Variants in MYO9B observed in about 807,000 individuals in gnomAD.
MYO9B encodes the protein myosin IXB.
MYO9B carries 71 observed loss-of-function variants against 229.5 expected under a neutral mutation model. The observed-to-expected ratio is 0.31, with a 90% CI of 0.26 to 0.38. MYO9B has a LOEUF of 0.38. Among genes scored for constraint, MYO9B ranks in the 10% least tolerant of loss-of-function variants. The pLI is 1.00. For missense variants in MYO9B, 2,255 were observed against 2,920.5 expected (o/e 0.77, Z 5.25); for synonymous variants, 1,185 against 1,235.8 (o/e 0.96, Z 0.86).
intron 1 of MYO9B, among the ~76,000 whole-genome samples, chr19:17,089,173 CT>C (rs1279016514): frequency 2.0e-5 from 3 of 152,032 alleles, no homozygotes; most frequent in African/African-American, 7.2e-5. Flanking sequence ...CTAAGTCGTC[CT>C]CCCACTCTGA....
chr19:17,205,199 G>A (rs932857754), intron 30 of MYO9B, 64 bp from the exon 31 acceptor site: 2 of 1,383,764 alleles, frequency 1.4e-6, no homozygotes, highest in Admixed American at 1.9e-5. Flanking sequence ...CCAGCTGGGT[G>A]GGTGGCTGCA....
At chr19:17,093,702 GGGT>G (rs1600029923) in intron 1 of MYO9B, among the ~76,000 whole-genome samples, 411 of 132,104 alleles carry the variant, frequency 3.1e-3, no homozygotes, top group Non-Finnish European at 4.5e-3. Context: ...GTGGGGGGGG[GGGT>G]GGTTTGAGAT....
At chr19:17,144,099 G>A (rs1184459460) in intron 2 of MYO9B, among the ~76,000 whole-genome samples, 1 of 148,988 alleles carries the variant, frequency 6.7e-6, no homozygotes, top group Non-Finnish European at 1.5e-5. Context: ...GCCTGTGGTC[G>A]CAGCTACTTG....
intron 11 of MYO9B, among the ~76,000 whole-genome samples, chr19:17,169,932 C>T (rs1243591337): frequency 6.6e-6 from 1 of 151,220 alleles, no homozygotes; most frequent in Non-Finnish European, 1.5e-5. Flanking sequence ...ACCCCCACCT[C>T]CCAGGATCAA....
Position 17,102,470 on chromosome 19 carries a change from C to T in MYO9B, c.753C>T (p.Phe251=). Reference sequence around the variant, plus strand: ...CCGGCAAGACCCAGAGCACCAACTTCCTCATCCACTGCCTCACCGCCCTCA... The same window carrying T: ...CCGGCAAGACCCAGAGCACCAACTTTCTCATCCACTGCCTCACCGCCCTCA... ...SGSGKTQSTN[F]LIHCLTALSQ... Residue 251 remains phenylalanine, a synonymous_variant, in exon 2 of 40, where the codon TTC becomes TTT. Transcript: ENST00000682292. The T allele has an allele frequency of 6.2e-7, 1 of 1,613,928 alleles. No homozygotes were observed. Among genetic ancestry groups the T allele is most frequent in the Non-Finnish European group, 8.5e-7 (1 of 1,179,872 alleles).
Position 17,212,023 on chromosome 19 carries a change from C to G in MYO9B, c.6187C>G (p.Pro2063Ala). The G allele has an allele frequency of 6.2e-7, 1 of 1,609,548 alleles. No individual in the cohort carries two copies. ...TVRVKTPRRT[P>A]IMPTANIKLP... ...CAGAGTGAAGACCCCCCGGCGGACC[C>G]CCATCATGCCCACGGCCAACATCAA... Residue 2063 changes from proline to alanine, a missense_variant, in exon 40 of 40, where the codon CCC (proline) becomes GCC (alanine). By Grantham distance (27) the Pro-to-Ala change is conservative (BLOSUM62 -1). Transcript: ENST00000682292. This position sits in a 1 kb window ranked among gnomAD's most constrained non-coding sequence, Gnocchi z 5.4.
At position 17,188,010 on chromosome 19, in the gene MYO9B, C is replaced by T; in HGVS notation, c.2653C>T (p.Arg885Trp). ...YTGMLETVRIRRSGYSAKYTF... is the reference protein window; with the variant it reads ...YTGMLETVRIWRSGYSAKYTF... Reference sequence around the variant, plus strand: ...CGGCATGCTGGAGACCGTGCGCATCCGGAGGTCAGGGTACAGCGCCAAGTA... The same window carrying T: ...CGGCATGCTGGAGACCGTGCGCATCTGGAGGTCAGGGTACAGCGCCAAGTA... Residue 885 changes from arginine to tryptophan, a missense_variant, in exon 19 of 40, where the codon CGG becomes TGG. By Grantham distance (101) the Arg-to-Trp change is moderately radical (BLOSUM62 -3). Transcript: ENST00000682292. 1 of 1,600,862 alleles carries T rather than the reference C, an allele frequency of 6.2e-7. No individual in the cohort carries two copies. Among genetic ancestry groups the T allele is most frequent in the Non-Finnish European group, 8.5e-7 (1 of 1,174,038 alleles).
intron 22 of MYO9B, among the ~76,000 whole-genome samples, chr19:17,197,394 T>TA (rs1207719102): frequency 6.9e-6 from 1 of 145,358 alleles, no homozygotes; most frequent in Admixed American, 7.0e-5. Context: ...GATGGATGGA[T>TA]GGATAGATAG....
At chr19:17,109,367 C>G (rs924355307) in intron 2 of MYO9B, among the ~76,000 whole-genome samples, 1 of 152,126 alleles carries the variant, frequency 6.6e-6, no homozygotes, top group Non-Finnish European at 1.5e-5. Flanking sequence ...GCCCGGCCAT[C>G]ATTTTCTAAT....
At position 17,145,344 on chromosome 19, in the gene MYO9B, GAAA is replaced by G. The variant is rs545997173; in HGVS notation, c.841-50_841-48del. ...CAGTGTAAAATGAGAGGAAAAAAAA[GAAA>G]AAGAAATTCCACCCTCCTGATCTGA... On this transcript the variant is annotated intron_variant, in intron 2 of 39. Transcript: ENST00000682292. 4.2e-4 allele frequency: 621 copies of G among 1,490,014 alleles called. 1 individual carries two copies. The Middle Eastern group carries it at 4.7e-3, about 11-fold the overall frequency. The allele number at this position is 1,490,014 out of a possible 1,614,324, so 92.3% of individuals were successfully genotyped here.
intron 11 of MYO9B, among the ~76,000 whole-genome samples, chr19:17,171,177 G>A (rs112598690): frequency 2.6e-5 from 4 of 152,258 alleles, no homozygotes; most frequent in African/African-American, 9.6e-5. Flanking sequence ...CCGTTAACGC[G>A]GAGCCCCCGA....
chr19:17,182,530 A>G (rs1026461822), intron 15 of MYO9B, among the ~76,000 whole-genome samples: 2 of 151,844 alleles, frequency 1.3e-5, no homozygotes, highest in African/African-American at 4.8e-5. Flanking sequence ...CAGCCTCCCA[A>G]GTAGCTGGGA....
chr19:17,087,844 C>G (rs985920915), intron 1 of MYO9B, among the ~76,000 whole-genome samples: 6 of 151,438 alleles, frequency 4.0e-5, no homozygotes, highest in African/African-American at 7.3e-5. Context: ...ACAGGAGAAT[C>G]ACTTGTACCT....
At chr19:17,078,557 A>G (rs1410446719) in intron 1 of MYO9B, among the ~76,000 whole-genome samples, 1 of 152,180 alleles carries the variant, frequency 6.6e-6, no homozygotes, top group Non-Finnish European at 1.5e-5. Context: ...AATAATTAAA[A>G]AAAAGAATGG....
intron 2 of MYO9B, among the ~76,000 whole-genome samples, chr19:17,132,771 A>G (rs2072217628): frequency 6.7e-6 from 1 of 148,916 alleles, no homozygotes; most frequent in Admixed American, 6.8e-5. Flanking sequence ...CAAGTGATCC[A>G]CCCACCTTGG....
In MYO9B at chr19:17,202,208, G is replaced by T. The variant is rs1293719594; in HGVS notation, c.4741G>T (p.Gly1581Cys). 7 of 1,612,784 alleles carry T rather than the reference G, an allele frequency of 4.3e-6. No homozygotes were observed. Among genetic ancestry groups the T allele is most frequent in the Non-Finnish European group, 5.9e-6 (7 of 1,179,456 alleles). The change falls in exon 28 of 40, where the codon GGC (glycine) becomes TGC (cysteine). Residue 1581 changes from glycine (G) to cysteine (C), a missense_variant. By Grantham distance (159) the Gly-to-Cys change is radical. Coordinates refer to ENST00000682292, the MANE Select transcript of MYO9B (RefSeq NM_004145.4). ...CGTCAGCAACCTGGCCACTGAGCGT[G>T]GCCAGAAGGACACCAACCTGGTCCT... is the stretch of plus-strand genomic sequence containing the variant. The part of the protein sequence containing the change: ...IVVSNLATER[G>C]QKDTNLVLNL...
Position 17,154,001 on chromosome 19 carries a change from G to T in MYO9B, c.1033G>T (p.Val345Phe). The T allele has an allele frequency of 6.2e-7, 1 of 1,613,822 alleles. No homozygotes were observed. Among genetic ancestry groups the T allele is most frequent in the Non-Finnish European group, 8.5e-7 (1 of 1,179,856 alleles). ...TGTGTTTTATTATTTGTTACTTGGG[G>T]TCAGCGAGGAAGAGCGCCAAGAATT... ...YHVFYYLLLG[V>F]SEEERQEFQL... The change falls in exon 5 of 40, where the codon GTC (valine) becomes TTC (phenylalanine). Residue 345 changes from valine (V) to phenylalanine (F), a missense_variant. This residue lies in a region of MYO9B where 386 missense variants were observed against 515.2 expected (regional missense o/e 0.75). Coordinates refer to ENST00000682292, the MANE Select transcript of MYO9B (RefSeq NM_004145.4).
At position 17,193,067 on chromosome 19, in the gene MYO9B, GC is replaced by G. The variant is rs1416386036; in HGVS notation, c.3128+6del. ...GGGGCACCTGCAGCGCAAGAGGTGA[GC>G]AGAGCCGGGCCACGCTCCTCGGAAT... On this transcript the variant is annotated splice_donor_region_variant and intron_variant, in intron 21 of 39. Transcript: ENST00000682292. This position sits in a 1 kb window ranked among gnomAD's most constrained non-coding sequence, Gnocchi z 4.3. 6.9e-7 allele frequency: 1 copy of G among 1,440,832 alleles called. No individual in the cohort carries two copies. Among genetic ancestry groups the G allele is most frequent in the African/African-American group, 1.4e-5 (1 of 70,116 alleles). The allele number at this position is 1,440,832 out of a possible 1,614,324, so 89.3% of individuals were successfully genotyped here. A position where few individuals can be genotyped will look rare whatever the true frequency, so the allele number is the denominator to read the frequency against.
At chr19:17,089,957 G>A (rs867745174) in intron 1 of MYO9B, among the ~76,000 whole-genome samples, 4 of 151,704 alleles carry the variant, frequency 2.6e-5, no homozygotes, top group South Asian at 2.1e-4. Context: ...TCCTGACAAC[G>A]ACTCATCACT....
Sources: allele counts gnomAD v4.1 joint callset (sites outside exome capture counted in the v4.1 genomes callset), GRCh38; gene constraint gnomAD v4.1.1; regional missense constraint gnomAD v4.1.1; non-coding constraint Gnocchi (gnomAD v3.1); transcripts MANE v1.5; gene names NCBI Gene and HGNC (gene_info 2026-07-23, HGNC 2026-07-21).